CLIC5: variants seen among roughly 807,000 people sequenced by gnomAD.
CLIC5 encodes the protein chloride intracellular channel protein 5.
In CLIC5, 20 loss-of-function variants were observed where a neutral mutation model predicts 24.7. The ratio of observed to expected loss-of-function variants is 0.81; its 90% CI spans 0.57 to 1.18. The LOEUF is 1.18. Ranked by LOEUF, CLIC5 falls within the 50% of genes most tolerant of loss-of-function variation. The probability of loss-of-function intolerance (pLI) is 0.00; values close to 1 mark genes in which losing one functional copy is unlikely to be tolerated. For synonymous variants in CLIC5, 159 were observed against 135.6 expected (o/e 1.17, Z -1.20); for missense variants, 341 against 326.1 (o/e 1.05, Z -0.35).
chr6:46,031,385 G>C (rs1257850178), intron 1 of CLIC5, among the ~76,000 whole-genome samples: 1 of 152,132 alleles, frequency 6.6e-6, no homozygotes, highest in Admixed American at 6.5e-5. Context: ...TGAACACTTA[G>C]TTCATTGAAA....
chr6:45,993,258 A>T (rs2127425368), intron 1 of CLIC5, among the ~76,000 whole-genome samples: 1 of 152,354 alleles, frequency 6.6e-6, no homozygotes, highest in Middle Eastern at 3.4e-3. Flanking sequence ...GCCATTGCAA[A>T]CTATGAAGTT....
At chr6:45,975,839 A>G (rs1765366841) in intron 1 of CLIC5, among the ~76,000 whole-genome samples, 1 of 152,160 alleles carries the variant, frequency 6.6e-6, no homozygotes, top group African/African-American at 2.4e-5. Context: ...ATATAATTAA[A>G]AAGTGCTTAA....
At chr6:46,064,475 G>T (rs1415897690) in intron 1 of CLIC5, among the ~76,000 whole-genome samples, 4 of 151,886 alleles carry the variant, frequency 2.6e-5, no homozygotes, top group Admixed American at 2.0e-4. Flanking sequence ...AAATACACCT[G>T]AATATTTCTC....
Position 45,954,002 on chromosome 6 carries a change from G to A in CLIC5, c.173+1133C>T, listed in dbSNP as rs183800402. On this transcript the variant is annotated intron_variant, in intron 2 of 5. Coordinates refer to ENST00000339561, the MANE Select transcript of CLIC5 (RefSeq NM_016929.5). ...AGAAAATAGAAGAAAAAGACCAGGA[G>A]CAGTGGCTCACGTCTGTAATCCCAG... 4.6e-5 allele frequency among the ~76,000 whole-genome samples: 7 copies of A among 152,242 alleles called. No individual in the cohort carries two copies. In the East Asian group the frequency reaches 5.8e-4, roughly 13 times the overall value.
chr6:45,917,820 C>G (rs1434333205), intron 4 of CLIC5, among the ~76,000 whole-genome samples: 1 of 152,186 alleles, frequency 6.6e-6, no homozygotes, highest in African/African-American at 2.4e-5. Context: ...ACTTTCTGCT[C>G]TGGTAGGAAC....
intron 1 of CLIC5, among the ~76,000 whole-genome samples, chr6:45,995,504 T>C (rs1454096491): frequency 1.3e-5 from 2 of 152,190 alleles, no homozygotes; most frequent in Non-Finnish European, 2.9e-5. Flanking sequence ...CAACTCAAGA[T>C]AATTCTGTGT....
At chr6:46,094,501 G>C in the CLIC5 span, among the ~76,000 whole-genome samples, 1 of 152,198 alleles carries the variant, frequency 6.6e-6, no homozygotes, top group East Asian at 1.9e-4. Context: ...GGAGAAATTG[G>C]CCCAAAAAAG....
chr6:46,020,661 T>C (rs1191526209), upstream of CLIC5, among the ~76,000 whole-genome samples: 3 of 151,894 alleles, frequency 2.0e-5, no homozygotes, highest in African/African-American at 7.2e-5. Context: ...CAAAGATCAA[T>C]AAAGTTGATA....
intron 5 of CLIC5, among the ~76,000 whole-genome samples, chr6:45,908,330 T>C (rs1762718049): frequency 6.6e-6 from 1 of 152,138 alleles, no homozygotes; most frequent in Non-Finnish European, 1.5e-5. Flanking sequence ...GGTTAGTTTG[T>C]TCCTGTTTTT....
chr6:46,055,233 G>T (rs1269549252), intron 1 of CLIC5, among the ~76,000 whole-genome samples: 1 of 152,178 alleles, frequency 6.6e-6, no homozygotes, highest in African/African-American at 2.4e-5. Flanking sequence ...CTCCTGAGTA[G>T]CTGGAATTAC....
At chr6:46,041,293 A>G (rs547822695) in intron 1 of CLIC5, among the ~76,000 whole-genome samples, 2 of 152,372 alleles carry the variant, frequency 1.3e-5, no homozygotes, top group South Asian at 4.1e-4. Context: ...TTTAACTGCT[A>G]TACCTTGCAT....
the CLIC5 span, among the ~76,000 whole-genome samples, chr6:46,087,839 T>C: frequency 1.3e-5 from 2 of 152,236 alleles, no homozygotes; most frequent in South Asian, 2.1e-4. Flanking sequence ...ATGCTACATT[T>C]TGATGAGTTT....
At chr6:46,025,533 C>G (rs533630245) in intron 1 of CLIC5, among the ~76,000 whole-genome samples, 1 of 152,220 alleles carries the variant, frequency 6.6e-6, no homozygotes, top group Non-Finnish European at 1.5e-5. Flanking sequence ...TAAATAAGCA[C>G]TAGCTAGTAT....
In CLIC5 at chr6:45,892,659, A is replaced by G. The variant is rs556159853; in HGVS notation, c.624-11471T>C. On this transcript the variant is annotated intron_variant, in intron 6 of 6. Transcript: ENST00000644324. ...ACTCTCAGGATGCCTCCTGTTGTCA[A>G]TTGTTGCCTTCAGTGCATTAGGCAT... 7.2e-5 allele frequency among the ~76,000 whole-genome samples: 11 copies of G among 152,298 alleles called. No homozygotes were observed. The East Asian group carries it at 2.1e-3, about 29-fold the overall frequency.
rs1767257065 is a variant in CLIC5, at chr6:46,023,972, A to G, written c.540+55731T>C. 2.0e-5 allele frequency among the ~76,000 whole-genome samples: 3 copies of G among 152,250 alleles called. No homozygotes were observed. The South Asian group carries it at 6.2e-4, about 32-fold the overall frequency. ...CTGATTTTCTTTTGGTGAACAGTCC[A>G]TCTTGCTAATTGACCAGTAATGATC... On this transcript the variant is annotated intron_variant, in intron 1 of 5. Coordinates refer to the CLIC5 transcript ENST00000185206.
In CLIC5 at chr6:45,901,119, G is replaced by A. The variant is rs188500491; in HGVS notation, c.*1969C>T. On this transcript the variant is annotated 3_prime_UTR_variant, in exon 6 of 6. Transcript: ENST00000339561. ...ATTTCACACTAATTAAAAGGCCTTC[G>A]GGATCATTTCAGCCCTCATCCCCCA... The A allele has an allele frequency of 6.8e-3, 1,039 of 152,148 alleles. 3 individuals carry two copies. The highest frequency in any genetic ancestry group is 0.01 in the Non-Finnish European group (681 of 68,020). The allele number at this position is 152,148 out of a possible 1,614,324, so 9.4% of individuals were successfully genotyped here. A position where few individuals can be genotyped will look rare whatever the true frequency, so the allele number is the denominator to read the frequency against.
At chr6:45,925,406 T>C (rs1207106009) in intron 4 of CLIC5, among the ~76,000 whole-genome samples, 1 of 150,832 alleles carries the variant, frequency 6.6e-6, no homozygotes, top group Non-Finnish European at 1.5e-5. Context: ...AAACTCCATC[T>C]CCCTGGCTCA....
chr6:45,993,890 T>A (rs1178429885), intron 1 of CLIC5, among the ~76,000 whole-genome samples: 1 of 152,152 alleles, frequency 6.6e-6, no homozygotes, highest in Admixed American at 6.6e-5. Flanking sequence ...TTAAAATACA[T>A]CCGTTCATGG....
chr6:45,965,516 T>C (rs1186345608), intron 1 of CLIC5, among the ~76,000 whole-genome samples: 2 of 152,224 alleles, frequency 1.3e-5, no homozygotes, highest in African/African-American at 4.8e-5. Flanking sequence ...TAAGGTACTG[T>C]CATCCTATTC....
Sources: allele counts gnomAD v4.1 joint callset (sites outside exome capture counted in the v4.1 genomes callset), GRCh38; gene constraint gnomAD v4.1.1; transcripts MANE v1.5; gene names NCBI Gene and HGNC (gene_info 2026-07-23, HGNC 2026-07-21).